LARGE1: variants seen among roughly 807,000 people sequenced by gnomAD.
LARGE1 encodes the protein LARGE xylosyl- and glucuronyltransferase 1.
In LARGE1, 43 loss-of-function variants were observed where a neutral mutation model predicts 87.6. That is an observed-to-expected ratio of 0.49 (90% CI 0.38 to 0.63). LARGE1 has a LOEUF of 0.63. Ranked by LOEUF, LARGE1 falls within the 30% of genes least tolerant of loss-of-function variation. The pLI is 0.00. For synonymous variants in LARGE1, 434 were observed against 394.6 expected (o/e 1.10, Z -1.18); for missense variants, 802 against 1,000.2 (o/e 0.80, Z 2.67).
chr22:33,711,953 G>T (rs2082742938), intron 2 of LARGE1, among the ~76,000 whole-genome samples: 1 of 152,138 alleles, frequency 6.6e-6, no homozygotes, highest in Non-Finnish European at 1.5e-5. Context: ...GAGCCACCGT[G>T]CCTGACCTAG....
At chr22:33,830,424 C>A (rs3819667) in intron 1 of LARGE1, among the ~76,000 whole-genome samples, 1 of 151,970 alleles carries the variant, frequency 6.6e-6, no homozygotes, top group African/African-American at 2.4e-5. Flanking sequence ...ATTTCCTCCA[C>A]GAGAGGCAGG....
chr22:33,754,139 C>T (rs950355272), intron 2 of LARGE1, among the ~76,000 whole-genome samples: 3 of 152,050 alleles, frequency 2.0e-5, no homozygotes, highest in Non-Finnish European at 4.4e-5. Flanking sequence ...CTTTACTGCC[C>T]TCTCAGATGC....
intron 11 of LARGE1, among the ~76,000 whole-genome samples, chr22:33,234,848 G>A (rs1055324796): frequency 1.3e-5 from 2 of 152,206 alleles, no homozygotes; most frequent in Non-Finnish European, 2.9e-5. Context: ...AAATAAGCAA[G>A]TTCTAATAAT....
chr22:33,842,162 AG>A (rs1476276014), intron 1 of LARGE1, among the ~76,000 whole-genome samples: 33 of 152,140 alleles, frequency 2.2e-4, no homozygotes, highest in Admixed American at 3.9e-4. Context: ...AAAATCGAAA[AG>A]CTTTTTGATC....
At chr22:33,226,264 T>G (rs1320723685) in intron 11 of LARGE1, among the ~76,000 whole-genome samples, 5 of 152,252 alleles carry the variant, frequency 3.3e-5, no homozygotes, top group Admixed American at 2.6e-4. Context: ...ATCATGTCTC[T>G]GCATTGCCAC....
At chr22:33,752,432 C>A (rs1303270467) in intron 2 of LARGE1, among the ~76,000 whole-genome samples, 2 of 152,268 alleles carry the variant, frequency 1.3e-5, no homozygotes, top group Admixed American at 6.5e-5. Context: ...AACCAGGAAA[C>A]CTGCAACAAA....
intron 3 of LARGE1, among the ~76,000 whole-genome samples, chr22:33,638,239 G>T (rs774000572): frequency 6.6e-6 from 1 of 151,848 alleles, no homozygotes; most frequent in Non-Finnish European, 1.5e-5. Context: ...AATACTGTAA[G>T]GTTAGTTAGG....
chr22:33,290,575 C>G (rs935599089), intron 12 of LARGE1, among the ~76,000 whole-genome samples: 5 of 152,130 alleles, frequency 3.3e-5, no homozygotes, highest in African/African-American at 9.7e-5. Context: ...AAAACGTGTG[C>G]CATGGAGGAG....
intron 1 of LARGE1, among the ~76,000 whole-genome samples, chr22:33,908,061 G>A (rs759121631): frequency 6.6e-6 from 1 of 152,152 alleles, no homozygotes; most frequent in Non-Finnish European, 1.5e-5. Flanking sequence ...AATACTTTGA[G>A]AGGCTAATTC....
At chr22:33,297,825 C>T (rs1316711386) in intron 12 of LARGE1, among the ~76,000 whole-genome samples, 1 of 150,824 alleles carries the variant, frequency 6.6e-6, no homozygotes, top group Non-Finnish European at 1.5e-5. Flanking sequence ...ACTAAAAATA[C>T]AAAAATTAGC....
In LARGE1 at chr22:33,626,233, G is replaced by A. The variant is rs781066281; in HGVS notation, c.491+11C>T. ...AGACCTCAGCCCACACAGCACAGAA[G>A]TTGTTCTTACCTATGGAACAGGACG... On this transcript the variant is annotated intron_variant, in intron 4 of 14. Transcript: ENST00000397394. The A allele has an allele frequency of 6.2e-7, 1 of 1,612,610 alleles. No individual in the cohort carries two copies. Among genetic ancestry groups the A allele is most frequent in the Non-Finnish European group, 8.5e-7 (1 of 1,178,606 alleles).
chr22:33,697,069 C>T (rs2082274120), intron 2 of LARGE1, among the ~76,000 whole-genome samples: 1 of 152,112 alleles, frequency 6.6e-6, no homozygotes, highest in Non-Finnish European at 1.5e-5. Context: ...CAAGCAGACA[C>T]ACCTGCATGA....
At chr22:33,411,286 G>A (rs1247256114) in intron 7 of LARGE1, among the ~76,000 whole-genome samples, 1 of 152,206 alleles carries the variant, frequency 6.6e-6, no homozygotes, top group African/African-American at 2.4e-5. Flanking sequence ...GCCACAGCAA[G>A]GAAATGTCTC....
At chr22:33,629,450 C>T (rs909558188) in intron 3 of LARGE1, among the ~76,000 whole-genome samples, 2 of 152,118 alleles carry the variant, frequency 1.3e-5, no homozygotes, top group South Asian at 2.1e-4. Context: ...TTAGTTTCAT[C>T]GAATACACCT....
rs1254583700 is a variant in LARGE1, at chr22:33,247,072, TGTGTGTG to T, written c.1730+57150_1730+57156del. ...ATGTGTGTGTGTGTGTGTGTGTGTG[TGTGTGTG>T]TGTGTGTTGTATCTTTTCAGTGTGG... is the stretch of plus-strand genomic sequence containing the variant. On this transcript the variant is annotated intron_variant, in intron 11 of 11. Transcript: ENST00000608642. 2.6e-4 allele frequency among the ~76,000 whole-genome samples: 39 copies of T among 151,902 alleles called. No homozygotes were observed. In the East Asian group the frequency reaches 7.5e-3, roughly 29 times the overall value.
intron 4 of LARGE1, among the ~76,000 whole-genome samples, chr22:33,615,911 G>A (rs754509765): frequency 2.6e-5 from 4 of 152,014 alleles, no homozygotes; most frequent in South Asian, 2.1e-4. Context: ...ACAAGCACAC[G>A]AAAAGACATT....
rs117517947 is a variant in LARGE1, at chr22:33,234,955, T to C, written c.1731-68123A>G. ...TCATCAAATAATTACAAAAGCACTTTGAGATGAATATTTTGATTCTCCAGA... is the reference window on the plus strand; with the variant it reads ...TCATCAAATAATTACAAAAGCACTTCGAGATGAATATTTTGATTCTCCAGA... On this transcript the variant is annotated intron_variant, in intron 11 of 11. Transcript: ENST00000608642. Among the ~76,000 whole-genome samples, 669 of 152,330 alleles carry C rather than the reference T, an allele frequency of 4.4e-3. 7 individuals are homozygous for C. In the East Asian group the frequency reaches 0.05, roughly 11 times the overall value.
chr22:33,180,413 A>G (rs1166943748), intron 11 of LARGE1, among the ~76,000 whole-genome samples: 1 of 152,254 alleles, frequency 6.6e-6, no homozygotes, highest in Admixed American at 6.5e-5. Context: ...TTTTAAAACG[A>G]TAACAGGTGC....
chr22:33,122,131 G>T, the LARGE1 span, among the ~76,000 whole-genome samples: 1,135 of 152,224 alleles, frequency 7.5e-3, 5 homozygotes, highest in South Asian at 8.7e-3. Context: ...TTTCCCCTGA[G>T]TTATTTCTCT....
Sources: allele counts gnomAD v4.1 joint callset (sites outside exome capture counted in the v4.1 genomes callset), GRCh38; gene constraint gnomAD v4.1.1; transcripts MANE v1.5; gene names NCBI Gene and HGNC (gene_info 2026-07-23, HGNC 2026-07-21).